TENM4: variants seen among roughly 807,000 people sequenced by gnomAD.
TENM4 encodes teneurin-4.
A neutral mutation model predicts 243.3 loss-of-function variants in TENM4; 82 were observed. That is an observed-to-expected ratio of 0.34 (90% CI 0.28 to 0.40). The LOEUF (loss-of-function observed/expected upper bound fraction) is 0.40, where lower values mean the gene tolerates loss of function less well. Among genes scored for constraint, TENM4 ranks in the 10% least tolerant of loss-of-function variants. TENM4 has a pLI of 1.00. For synonymous variants in TENM4, 1,412 were observed against 1,456.3 expected (o/e 0.97, Z 0.69); for missense variants, 3,138 against 3,673.3 (o/e 0.85, Z 3.77).
chr11:78,882,303 T>A (rs77372953), intron 9 of TENM4, among the ~76,000 whole-genome samples: 1,525 of 152,320 alleles, frequency 0.01, 20 homozygotes, highest in African/African-American at 0.034. Flanking sequence ...TCTCTACACA[T>A]CTCATGTCCA....
At chr11:78,807,914 C>G (rs1857423999) in intron 14 of TENM4, among the ~76,000 whole-genome samples, 1 of 152,176 alleles carries the variant, frequency 6.6e-6, no homozygotes, top group African/African-American at 2.4e-5. Context: ...GGTAAAGATA[C>G]TGACTACTGA....
intron 2 of TENM4, among the ~76,000 whole-genome samples, chr11:79,250,354 A>G (rs1378451819): frequency 6.6e-6 from 1 of 152,232 alleles, no homozygotes; most frequent in East Asian, 1.9e-4. Flanking sequence ...TAATCCACAT[A>G]TAAGGCAAAG....
intron 6 of TENM4, among the ~76,000 whole-genome samples, chr11:78,944,554 T>C (rs1292107287): frequency 6.6e-6 from 1 of 152,208 alleles, no homozygotes; most frequent in Non-Finnish European, 1.5e-5. Context: ...TCACAGTGCA[T>C]TTTTATCATC....
rs577062064 is a variant in TENM4, at chr11:79,125,576, C to T, written c.-66+23134G>A. Among the ~76,000 whole-genome samples, 22 of 152,250 alleles carry T rather than the reference C, an allele frequency of 1.4e-4. No individual in the cohort carries two copies. The East Asian group carries it at 1.7e-3, about 12-fold the overall frequency. ...AACTTGGAATGGGGGGTGTGTGGGA[C>T]GACCCTGATGAAGCTGGGGATTCTG... On this transcript the variant is annotated intron_variant, in intron 4 of 33. Coordinates refer to ENST00000278550, the MANE Select transcript of TENM4 (RefSeq NM_001098816.3).
chr11:78,737,535 A>T (rs1855829260), intron 20 of TENM4, among the ~76,000 whole-genome samples: 1 of 152,178 alleles, frequency 6.6e-6, no homozygotes, highest in Non-Finnish European at 1.5e-5. Context: ...CTGGAGCATA[A>T]TTTCCAACAC....
chr11:79,129,119 T>C (rs1003421148), intron 4 of TENM4, among the ~76,000 whole-genome samples: 1 of 152,170 alleles, frequency 6.6e-6, no homozygotes, highest in Non-Finnish European at 1.5e-5. Context: ...ACTGAAGTTC[T>C]GTTTGTGGGA....
In TENM4 at chr11:78,672,255, G is replaced by C. The variant is rs1858350936; in HGVS notation, c.5571C>G (p.Arg1857=). 1 of 1,614,068 alleles carries C rather than the reference G, an allele frequency of 6.2e-7. No individual in the cohort carries two copies. The part of the protein sequence containing the change: ...TRTEKIYDDH[R]KFTLRILYDQ... ...CGTACAGAATCCGAAGGGTGAACTT[G>C]CGGTGGTCATCATAGATCTTCTCTG... Residue 1857 remains arginine (R), a synonymous_variant, in exon 31 of 34, where the codon CGC becomes CGG. Transcript: ENST00000278550.
chr11:79,188,739 G>A lies in TENM4; in HGVS notation c.-163+27069C>T, dbSNP rs192422804. 3.5e-3 allele frequency among the ~76,000 whole-genome samples: 526 copies of A among 152,098 alleles called. 7 individuals carry two copies. In the South Asian group the frequency reaches 0.039, roughly 11 times the overall value. On this transcript the variant is annotated intron_variant, in intron 3 of 33. Coordinates refer to ENST00000278550, the MANE Select transcript of TENM4 (RefSeq NM_001098816.3). ...CGAGGAGCAGTAGAAAAGGGAGGAG[G>A]GGATGAGAAGGGGCTGGGGTCTGTC...
At chr11:78,963,733 T>G (rs1257340224) in intron 6 of TENM4, among the ~76,000 whole-genome samples, 1 of 440 alleles carries the variant, frequency 2.3e-3, no homozygotes, top group Admixed American at 0.045. Flanking sequence ...TTCCATGACT[T>G]TTTTTTTTTT....
At chr11:79,405,326 G>A (rs532730093) in intron 1 of TENM4, among the ~76,000 whole-genome samples, 3 of 152,180 alleles carry the variant, frequency 2.0e-5, no homozygotes, top group African/African-American at 7.2e-5. Context: ...TTCAGTGGGG[G>A]AAACTGAGGA....
chr11:78,760,341 G>A (rs1856401524), intron 18 of TENM4, among the ~76,000 whole-genome samples: 1 of 152,210 alleles, frequency 6.6e-6, no homozygotes, highest in Admixed American at 6.5e-5. Context: ...CAAACTACCT[G>A]GATTTGGACC....
intron 3 of TENM4, among the ~76,000 whole-genome samples, chr11:79,164,141 G>C (rs1198930471): frequency 1.7e-5 from 2 of 114,376 alleles, no homozygotes; most frequent in Non-Finnish European, 3.4e-5. Flanking sequence ...TAGTATATAT[G>C]TATATATACA....
At chr11:79,336,023 G>A (rs1002031317) in intron 1 of TENM4, among the ~76,000 whole-genome samples, 3 of 140,544 alleles carry the variant, frequency 2.1e-5, no homozygotes, top group Admixed American at 6.8e-5. Flanking sequence ...ATGCTTTCAT[G>A]GAGGTTATCA....
chr11:79,022,449 A>G (rs890417645), intron 6 of TENM4, among the ~76,000 whole-genome samples: 1 of 152,110 alleles, frequency 6.6e-6, no homozygotes, highest in Non-Finnish European at 1.5e-5. Context: ...CAGATTTGTG[A>G]TTAAAGGCAA....
intron 23 of TENM4, among the ~76,000 whole-genome samples, chr11:78,725,748 C>A (rs765820994): frequency 6.6e-6 from 1 of 152,198 alleles, no homozygotes; most frequent in Non-Finnish European, 1.5e-5. Flanking sequence ...TGAACCAAGA[C>A]GCTGGGTGAG....
At chr11:79,348,560 T>C (rs1220734685) in intron 1 of TENM4, among the ~76,000 whole-genome samples, 1 of 152,136 alleles carries the variant, frequency 6.6e-6, no homozygotes, top group East Asian at 1.9e-4. Context: ...CACTAGCCTA[T>C]TGGAAAGTAA....
At chr11:79,067,188 G>C (rs1054032468) in intron 5 of TENM4, among the ~76,000 whole-genome samples, 9 of 152,234 alleles carry the variant, frequency 5.9e-5, no homozygotes, top group Non-Finnish European at 1.0e-4. Flanking sequence ...TGATTGGTTA[G>C]AGGCTGGGCC....
intron 12 of TENM4, among the ~76,000 whole-genome samples, chr11:78,829,450 T>C (rs1857928981): frequency 2.0e-5 from 3 of 152,288 alleles, no homozygotes; most frequent in South Asian, 4.1e-4. Context: ...AATGAGATAA[T>C]GCATGGGAGG....
chr11:78,779,356 T>G (rs1484114969), intron 16 of TENM4, among the ~76,000 whole-genome samples: 4 of 152,170 alleles, frequency 2.6e-5, no homozygotes, highest in African/African-American at 9.7e-5. Context: ...GCAAAGAAAA[T>G]CTGACCACTT....
Sources: gnomAD v4.1 joint callset for allele counts (sites outside exome capture counted in the v4.1 genomes callset) on GRCh38, gnomAD v4.1.1 for gene constraint, MANE v1.5 for transcripts, NCBI Gene and HGNC (gene_info 2026-07-23, HGNC 2026-07-21) for gene names.